Variants in SOBP observed in about 807,000 individuals in gnomAD.
The protein encoded by SOBP is sine oculis-binding protein homolog.
In SOBP, 4 loss-of-function variants were observed where a neutral mutation model predicts 53.6. The ratio of observed to expected loss-of-function variants is 0.07; its 90% CI spans 0.04 to 0.17. SOBP has a LOEUF of 0.17. SOBP is among the 10% of genes least tolerant of loss of function. The pLI, the probability that SOBP is intolerant of heterozygous loss-of-function variation, is 1.00. For missense variants in SOBP, 1,088 were observed against 1,204.7 expected, an observed-to-expected ratio of 0.90 and a Z score of 1.43; for synonymous variants, 584 against 522.6, an observed-to-expected ratio of 1.12 and a Z score of -1.60.
chr6:107,598,020 C>T (rs774945174), intron 5 of SOBP, among the ~76,000 whole-genome samples: 3 of 152,088 alleles, frequency 2.0e-5, no homozygotes, highest in Non-Finnish European at 4.4e-5. Context: ...ATTTTTAAGA[C>T]ATTTGTCTTT....
intron 3 of SOBP, 28 bp from the exon 4 acceptor site, chr6:107,533,431 G>T: frequency 1.2e-6 from 2 of 1,613,418 alleles, no homozygotes; most frequent in South Asian, 2.2e-5. Context: ...CTTCTGATAT[G>T]AACATTTTTC....
intron 3 of SOBP, among the ~76,000 whole-genome samples, chr6:107,524,900 C>T (rs748005308): frequency 1.2e-4 from 19 of 152,242 alleles, no homozygotes; most frequent in African/African-American, 1.7e-4. Flanking sequence ...AAGACATGTC[C>T]GCTGTTAAAT....
chr6:107,544,147 A>T (rs1287889858), intron 4 of SOBP, among the ~76,000 whole-genome samples: 3 of 152,138 alleles, frequency 2.0e-5, no homozygotes. Flanking sequence ...TCAAGAGTTA[A>T]CTCGTCCACA....
At chr6:107,555,619 C>T (rs940237231) in intron 4 of SOBP, among the ~76,000 whole-genome samples, 5 of 152,228 alleles carry the variant, frequency 3.3e-5, no homozygotes, top group East Asian at 1.9e-4. Context: ...CTGCGCCCTA[C>T]GTGCAGATTC....
chr6:107,634,252 G>T lies in SOBP; in HGVS notation c.1408G>T (p.Gly470Trp). Residue 470 changes from glycine to tryptophan, a missense_variant, in exon 6 of 7, where the codon GGG (glycine) becomes TGG (tryptophan). Around this residue, in one of 6 missense-constraint regions of SOBP, gnomAD observed 665 missense variants for 629.7 expected, o/e 1.06. Coordinates refer to ENST00000317357, the MANE Select transcript of SOBP (RefSeq NM_018013.4). This position sits in a 1 kb window ranked among gnomAD's most constrained non-coding sequence, Gnocchi z 4.5. The part of the protein sequence containing the change: ...IHPPSTPTMP[G>W]NPPGLLPPPP... ...CCCCCCGAGCACCCCCACCATGCCCGGGAACCCCCCAGGCCTGCTGCCCCC... is the reference window on the plus strand; with the variant it reads ...CCCCCCGAGCACCCCCACCATGCCCTGGAACCCCCCAGGCCTGCTGCCCCC... 1 of 1,373,382 alleles carries T rather than the reference G, an allele frequency of 7.3e-7. No homozygotes were observed. The highest frequency in any genetic ancestry group is 9.4e-7 in the Non-Finnish European group (1 of 1,064,200). The allele number at this position is 1,373,382 out of a possible 1,614,324, so 85.1% of individuals were successfully genotyped here.
chr6:107,638,212 G>A (rs846956), intron 6 of SOBP, among the ~76,000 whole-genome samples: 1 of 151,212 alleles, frequency 6.6e-6, no homozygotes, highest in East Asian at 1.9e-4. Context: ...TATTTATTTA[G>A]TTATTTATTA....
rs180956734 is a variant in SOBP at position 107,583,345 on chromosome 6, T to A, written c.574-3735T>A. 2.6e-5 allele frequency among the ~76,000 whole-genome samples: 4 copies of A among 152,232 alleles called. No individual in the cohort carries two copies. The East Asian group carries it at 7.7e-4, about 29-fold the overall frequency. ...ACCAGTAATTCCAAGGTTGCAACCATGTTGAGTCTAAGAAGGACCACAGAG... is the reference window on the plus strand; with the variant it reads ...ACCAGTAATTCCAAGGTTGCAACCAAGTTGAGTCTAAGAAGGACCACAGAG... On this transcript the variant is annotated intron_variant, in intron 4 of 6. Coordinates refer to ENST00000317357, the MANE Select transcript of SOBP (RefSeq NM_018013.4).
chr6:107,528,754 TG>T (rs1408428910), intron 3 of SOBP, among the ~76,000 whole-genome samples: 5 of 152,194 alleles, frequency 3.3e-5, no homozygotes, highest in Admixed American at 2.0e-4. Context: ...GTCCTTTTTG[TG>T]GAGAGAGGTC....
At chr6:107,500,711 C>T (rs186333106) in intron 1 of SOBP, among the ~76,000 whole-genome samples, 1,669 of 151,832 alleles carry the variant, frequency 0.011, 23 homozygotes, top group African/African-American at 0.035. Flanking sequence ...TTATTAGAGA[C>T]GGATGGGGTT....
chr6:107,632,301 G>A (rs1431644079), intron 5 of SOBP, among the ~76,000 whole-genome samples: 1 of 151,450 alleles, frequency 6.6e-6, no homozygotes, highest in Non-Finnish European at 1.5e-5. Flanking sequence ...TGCTATATAT[G>A]GCTTGAGTGC....
chr6:107,630,786 C>T (rs1009541170), intron 5 of SOBP, among the ~76,000 whole-genome samples: 5 of 149,146 alleles, frequency 3.4e-5, no homozygotes, highest in African/African-American at 1.2e-4. Context: ...CTCTCTCTCA[C>T]GTTACCGAAA....
At chr6:107,512,479 C>T (rs187267155) in intron 3 of SOBP, among the ~76,000 whole-genome samples, 2 of 152,318 alleles carry the variant, frequency 1.3e-5, no homozygotes, top group East Asian at 1.9e-4. Flanking sequence ...AGGTAAAGCA[C>T]TCAGAAGGGA....
Position 107,635,607 on chromosome 6 carries a change from A to G in SOBP, c.*3+138A>G, listed in dbSNP as rs1771008362. ...ATATTGCACACGGTGTGGTCACGCT[A>G]TCAACATTCTGAGCCAGCAGCTCTG... is the stretch of plus-strand genomic sequence containing the variant. On this transcript the variant is annotated intron_variant, in intron 6 of 6. Coordinates refer to ENST00000317357, the MANE Select transcript of SOBP (RefSeq NM_018013.4). This position sits in a 1 kb window ranked among gnomAD's most constrained non-coding sequence, Gnocchi z 4.5. 1.6e-6 allele frequency: 2 copies of G among 1,222,672 alleles called. No individual in the cohort carries two copies. The highest frequency in any genetic ancestry group is 2.6e-5 in the South Asian group (2 of 77,844). 75.7% of individuals were successfully genotyped at this position (1,222,672 alleles called of 1,614,324 possible). A position where few individuals can be genotyped will look rare whatever the true frequency, so the allele number is the denominator to read the frequency against.
rs1391699664 is a variant in SOBP, at chr6:107,635,354, A to T, written c.2510A>T (p.Lys837Met). 3.1e-6 allele frequency: 5 copies of T among 1,613,482 alleles called. No individual in the cohort carries two copies. The highest frequency in any genetic ancestry group is 4.2e-6 in the Non-Finnish European group (5 of 1,180,028). The change falls in exon 6 of 7, where the codon AAG becomes ATG. Residue 837 changes from lysine (K) to methionine (M), a missense_variant. By Grantham distance (95) the Lys-to-Met change is moderately conservative. Around this residue, in one of 6 missense-constraint regions of SOBP, gnomAD observed 665 missense variants for 629.7 expected, o/e 1.06. Transcript: ENST00000317357. This position sits in a 1 kb window ranked among gnomAD's most constrained non-coding sequence, Gnocchi z 4.5. ...VIQPVPKPAE[K>M]AAMAPCIISS... ...CAGCCTGTGCCAAAACCCGCGGAGA[A>T]GGCTGCCATGGCACCGTGCATCATC...
At chr6:107,566,512 A>G (rs1366129903) in intron 4 of SOBP, among the ~76,000 whole-genome samples, 1 of 152,214 alleles carries the variant, frequency 6.6e-6, no homozygotes, top group Non-Finnish European at 1.5e-5. Context: ...TGGAATTGGA[A>G]GCAGAAAGCA....
chr6:107,530,905 GTTTA>G (rs1583178851), intron 3 of SOBP, among the ~76,000 whole-genome samples: 1 of 152,108 alleles, frequency 6.6e-6, no homozygotes, highest in Non-Finnish European at 1.5e-5. Context: ...CTTTTTGTTC[GTTTA>G]TTTGTTAGGT....
At chr6:107,562,070 G>T (rs190251482) in intron 4 of SOBP, among the ~76,000 whole-genome samples, 1 of 143,584 alleles carries the variant, frequency 7.0e-6, no homozygotes, top group African/African-American at 2.6e-5. Flanking sequence ...TCACTTTGTC[G>T]CCCAGGCTGG....
At chr6:107,502,919 G>A (rs774103971) in intron 1 of SOBP, among the ~76,000 whole-genome samples, 83 of 152,040 alleles carry the variant, frequency 5.5e-4, no homozygotes, top group Middle Eastern at 3.4e-3. Flanking sequence ...TGCCACCAGG[G>A]CCAGCTGATT....
chr6:107,514,586 T>C (rs1783263739), intron 3 of SOBP: 1 of 152,192 alleles, frequency 6.6e-6, no homozygotes, highest in African/African-American at 2.4e-5. Context: ...ATAATTTGAA[T>C]GGTAGCATGA....
Sources: allele counts gnomAD v4.1 joint callset (sites outside exome capture counted in the v4.1 genomes callset), GRCh38; gene constraint gnomAD v4.1.1; regional missense constraint gnomAD v4.1.1; non-coding constraint Gnocchi (gnomAD v3.1); transcripts MANE v1.5; gene names NCBI Gene and HGNC (gene_info 2026-07-23, HGNC 2026-07-21).